The following CGA variants were observed in gnomAD, a reference collection of about 807,000 sequenced individuals.
CGA encodes glycoprotein hormones alpha chain.
In CGA, 4 loss-of-function variants were observed where a neutral mutation model predicts 12.0. The observed-to-expected ratio is 0.33, with a 90% CI of 0.16 to 0.76. The LOEUF is 0.76. Ranked by LOEUF, CGA falls within the 30% of genes least tolerant of loss-of-function variation. The probability of loss-of-function intolerance (pLI) is 0.60; values close to 1 mark genes in which losing one functional copy is unlikely to be tolerated. For synonymous variants in CGA, 60 were observed against 56.6 expected (o/e 1.06, Z -0.27); for missense variants, 102 against 143.5 (o/e 0.71, Z 1.48).
At position 87,086,242 on chromosome 6, in the gene CGA, G is replaced by T; in HGVS notation, c.273+8C>A. 6.2e-7 allele frequency: 1 copy of T among 1,605,840 alleles called. No homozygotes were observed. Among genetic ancestry groups the T allele is most frequent in the Non-Finnish European group, 8.5e-7 (1 of 1,176,712 alleles). On this transcript the variant is annotated splice_region_variant and intron_variant, in intron 3 of 3. Transcript: ENST00000627148. ...TTAGAAAGCTTCTGGGGATCTTGAGGTTCTTACCCTGTTATATGATTTAGC... is the reference window on the plus strand; with the variant it reads ...TTAGAAAGCTTCTGGGGATCTTGAGTTTCTTACCCTGTTATATGATTTAGC...
intron 1 of CGA, among the ~76,000 whole-genome samples, chr6:87,092,278 T>C (rs1769446335): frequency 6.6e-6 from 1 of 152,196 alleles, no homozygotes. Flanking sequence ...CTTTGTATTT[T>C]TATCTTTGTA....
At chr6:87,089,748 A>G (rs571443804) in intron 1 of CGA, among the ~76,000 whole-genome samples, 22 of 152,332 alleles carry the variant, frequency 1.4e-4, no homozygotes, top group Admixed American at 1.1e-3. Context: ...GAGTATATCT[A>G]TTCTGAACAT....
intron 2 of CGA, chr6:87,087,558 A>G (rs913167910): frequency 6.6e-6 from 1 of 152,216 alleles, no homozygotes; most frequent in Non-Finnish European, 1.5e-5. Flanking sequence ...CTGATATTAG[A>G]TCACGCGCCT....
chr6:87,094,770 C>T (rs1229115418), intron 1 of CGA: 2 of 152,186 alleles, frequency 1.3e-5, no homozygotes, highest in African/African-American at 4.8e-5. Flanking sequence ...TCCTGACAGG[C>T]ACTCAAGCAT....
chr6:87,092,523 AAG>A (rs57158408), intron 1 of CGA, among the ~76,000 whole-genome samples: 5 of 146,936 alleles, frequency 3.4e-5, no homozygotes, highest in African/African-American at 7.6e-5. Context: ...GAAAACAAAA[AAG>A]AGAGAGAGAG....
rs145503313 is a variant in CGA at position 87,086,294 on chromosome 6, C to T, written c.229G>A (p.Val77Ile). ...SKKTMLVQKN[V>I]TSESTCCVAK... is the part of the protein sequence containing the mutation. Reference sequence around the variant, plus strand: ...ACACAGCAAGTGGACTCTGAGGTGACGTTCTTTTGGACCAACATCGTCTTC... The same window carrying T: ...ACACAGCAAGTGGACTCTGAGGTGATGTTCTTTTGGACCAACATCGTCTTC... Residue 77 changes from valine to isoleucine, a missense_variant, in exon 3 of 4, where the codon GTC becomes ATC. Coordinates refer to ENST00000627148, the MANE Select transcript of CGA (RefSeq NM_000735.4). The T allele has an allele frequency of 7.4e-6, 12 of 1,613,790 alleles. No individual in the cohort carries two copies. The highest frequency in any genetic ancestry group is 2.7e-5 in the African/African-American group (2 of 74,866).
At chr6:87,086,933 G>A (rs893886656) in intron 2 of CGA, among the ~76,000 whole-genome samples, 13 of 152,140 alleles carry the variant, frequency 8.5e-5, no homozygotes, top group East Asian at 5.8e-4. Context: ...CAAAAATTTC[G>A]CTGGGCATGG....
rs767955999 is a variant in CGA, at chr6:87,086,257, T to A, written c.266A>T (p.Tyr89Phe). ...GGATCTTGAGGTTCTTACCCTGTTATATGATTTAGCTACACAGCAAGTGGA... is the reference window on the plus strand; with the variant it reads ...GGATCTTGAGGTTCTTACCCTGTTAAATGATTTAGCTACACAGCAAGTGGA... Reference protein sequence around the residue: ...SESTCCVAKSYNRVTVMGGFK... With the variant: ...SESTCCVAKSFNRVTVMGGFK... The change falls in exon 3 of 4, where the codon TAT becomes TTT. Residue 89 changes from tyrosine (Y) to phenylalanine (F), a missense_variant. Physicochemically the swap from Tyr to Phe is conservative, Grantham distance 22. Transcript: ENST00000627148. 6.2e-7 allele frequency: 1 copy of A among 1,611,070 alleles called. No homozygotes were observed. The highest frequency in any genetic ancestry group is 1.1e-5 in the South Asian group (1 of 90,444).
chr6:87,091,286 C>G (rs565902091), intron 1 of CGA, among the ~76,000 whole-genome samples: 2 of 152,162 alleles, frequency 1.3e-5, no homozygotes, highest in African/African-American at 2.4e-5. Context: ...AAACTATTAC[C>G]TTTCTTTGCC....
chr6:87,090,055 T>A (rs983022415), intron 1 of CGA, among the ~76,000 whole-genome samples: 1 of 152,180 alleles, frequency 6.6e-6, no homozygotes, highest in African/African-American at 2.4e-5. Context: ...ATACTCAACC[T>A]GTATAGAAAT....
rs147883019 is a variant in CGA, at chr6:87,090,637, A to AT, written c.-7-2431dup. 2.3e-3 allele frequency among the ~76,000 whole-genome samples: 286 copies of AT among 124,820 alleles called. 4 individuals carry two copies. The highest frequency in any genetic ancestry group is 6.5e-3 in the African/African-American group (215 of 32,948). The allele number at this position is 124,820 out of a possible 152,430, so 81.9% of individuals were successfully genotyped here. A position where few individuals can be genotyped will look rare whatever the true frequency, so the allele number is the denominator to read the frequency against. The stretch of plus-strand genomic sequence containing the variant: ...TAGAAGCTCTTTGGGCTCTTCAATA[A>AT]TTTTTTTTTTGTTTTTTTGAGATTG... On this transcript the variant is annotated intron_variant, in intron 1 of 3. Transcript: ENST00000627148.
chr6:87,085,846 G>T lies in CGA; in HGVS notation c.274-13C>A. ...CCATTACTGTGACCTAAAGGGGAAG[G>T]AAAAAAAAACATATTATAGATTAGA... On this transcript the variant is annotated splice_polypyrimidine_tract_variant and intron_variant, in intron 3 of 3. Coordinates refer to ENST00000627148, the MANE Select transcript of CGA (RefSeq NM_000735.4). 1 of 1,518,806 alleles carries T rather than the reference G, an allele frequency of 6.6e-7. No homozygotes were observed. Among genetic ancestry groups the T allele is most frequent in the Non-Finnish European group, 9.1e-7 (1 of 1,104,704 alleles). 94.1% of individuals were successfully genotyped at this position (1,518,806 alleles called of 1,614,324 possible).
At chr6:87,086,189 C>T (rs368149375) in intron 3 of CGA, 61 bp downstream of exon 3, 2 of 1,459,034 alleles carry the variant, frequency 1.4e-6, no homozygotes, top group East Asian at 2.3e-5. Context: ...CATGGGTGGG[C>T]TCTATGAACA....
chr6:87,086,598 G>A, intron 2 of CGA, 164 bp from the exon 3 acceptor site: 1 of 604,424 alleles, frequency 1.7e-6, no homozygotes, highest in Non-Finnish European at 2.9e-6. Context: ...GCAACATGGT[G>A]AAACCCTGTC....
intron 2 of CGA, 70 bp downstream of exon 2, chr6:87,088,043 T>C: frequency 1.3e-6 from 1 of 755,452 alleles, no homozygotes; most frequent in Non-Finnish European, 2.1e-6. Context: ...ATGTAATTAA[T>C]GGAGTTATTG....
intron 1 of CGA, among the ~76,000 whole-genome samples, chr6:87,092,694 A>T (rs1769462792): frequency 6.6e-6 from 1 of 151,382 alleles, no homozygotes; most frequent in African/African-American, 2.4e-5. Flanking sequence ...GACTGTCTGC[A>T]GTGGGGAACA....
chr6:87,092,523 AAGAG>A (rs57158408), intron 1 of CGA, among the ~76,000 whole-genome samples: 88,552 of 146,690 alleles, frequency 0.6, 26,988 homozygotes, highest in East Asian at 0.69. Context: ...GAAAACAAAA[AAGAG>A]AGAGAGAGAG....
chr6:87,088,794 A>G (rs9342104), intron 1 of CGA: 99,817 of 152,034 alleles, frequency 0.66, 33,746 homozygotes, highest in African/African-American at 0.82. Flanking sequence ...TTGCTGGTCT[A>G]GTGGGAATAC....
chr6:87,092,461 T>C (rs1769448630), intron 1 of CGA, among the ~76,000 whole-genome samples: 1 of 151,336 alleles, frequency 6.6e-6, no homozygotes, highest in East Asian at 1.9e-4. Context: ...TGCAGTGAAC[T>C]GGGATCGAGC....
Sources: gnomAD v4.1 joint callset for allele counts (sites outside exome capture counted in the v4.1 genomes callset) on GRCh38, gnomAD v4.1.1 for gene constraint, MANE v1.5 for transcripts, NCBI Gene and HGNC (gene_info 2026-07-23, HGNC 2026-07-21) for gene names.